KCNK2: variants seen among roughly 807,000 people sequenced by gnomAD.
KCNK2 encodes the protein potassium two pore domain channel subfamily K member 2.
In KCNK2, 21 loss-of-function variants were observed where a neutral mutation model predicts 40.5. The observed-to-expected ratio is 0.52, with a 90% CI of 0.37 to 0.75. The LOEUF is 0.75. KCNK2 is among the 30% of genes least tolerant of loss of function. The pLI, the probability that KCNK2 is intolerant of heterozygous loss-of-function variation, is 0.00. For synonymous variants in KCNK2, 191 were observed against 202.2 expected (o/e 0.94, Z 0.47); for missense variants, 399 against 531.6 (o/e 0.75, Z 2.45).
chr1:215,079,880 A>C (rs1234271614), upstream of KCNK2, among the ~76,000 whole-genome samples: 1 of 152,176 alleles, frequency 6.6e-6, no homozygotes, highest in East Asian at 1.9e-4. Context: ...TGATTCTTTC[A>C]AATTATTTGT....
Position 215,230,532 on chromosome 1 carries a change from TGTATATATATACAC to T in KCNK2, c.964-4295_964-4282del, listed in dbSNP as rs200295153. 8.4e-3 allele frequency among the ~76,000 whole-genome samples: 311 copies of T among 36,952 alleles called. 1 individual carries two copies. The highest frequency in any genetic ancestry group is 0.012 in the Non-Finnish European group (187 of 15,006). The allele number at this position is 36,952 out of a possible 152,430, so 24.2% of individuals were successfully genotyped here. ...GTATATATATATATATATATATATA[TGTATATATATACAC>T]ACACATAACAGCCATATATATATAT... is the stretch of plus-strand genomic sequence containing the variant. On this transcript the variant is annotated intron_variant, in intron 6 of 6. Transcript: ENST00000444842.
At chr1:215,012,797 T>G (rs1371042245) in intron 1 of KCNK2, among the ~76,000 whole-genome samples, 1 of 152,040 alleles carries the variant, frequency 6.6e-6, no homozygotes, top group African/African-American at 2.4e-5. Flanking sequence ...TTTATTAGAC[T>G]TGTGATTATC....
chr1:215,154,166 G>A (rs953120576), intron 3 of KCNK2, among the ~76,000 whole-genome samples: 25 of 152,096 alleles, frequency 1.6e-4, no homozygotes, highest in African/African-American at 5.6e-4. Context: ...TTGAGGAATC[G>A]CCACACTGTC....
intron 6 of KCNK2, among the ~76,000 whole-genome samples, chr1:215,233,471 CACACGT>C (rs1261206773): frequency 6.6e-6 from 1 of 151,834 alleles, no homozygotes; most frequent in Non-Finnish European, 1.5e-5. Context: ...CACACACACA[CACACGT>C]ACACACACAC....
chr1:215,179,192 T>C (rs1322101029), intron 5 of KCNK2, among the ~76,000 whole-genome samples: 1 of 152,090 alleles, frequency 6.6e-6, no homozygotes, highest in Non-Finnish European at 1.5e-5. Context: ...GTGGGACCAG[T>C]TGTAATGTTA....
chr1:215,114,994 GGT>G (rs59948899), intron 2 of KCNK2, among the ~76,000 whole-genome samples: 13,871 of 147,144 alleles, frequency 0.094, 639 homozygotes, highest in African/African-American at 0.1. Flanking sequence ...TACTTTGTCA[GGT>G]GTGTGTGTGT....
intron 5 of KCNK2, among the ~76,000 whole-genome samples, chr1:215,177,736 A>T (rs1341820176): frequency 1.0e-4 from 6 of 58,310 alleles, no homozygotes; most frequent in South Asian, 3.7e-4. Context: ...ATATATATAT[A>T]TATATTTTTT....
At chr1:215,045,123 G>T (rs1657722946) in intron 1 of KCNK2, among the ~76,000 whole-genome samples, 1 of 152,018 alleles carries the variant, frequency 6.6e-6, no homozygotes. Context: ...GGCTGAGCTT[G>T]CAGTGAGCCG....
intron 1 of KCNK2, among the ~76,000 whole-genome samples, chr1:215,010,868 TTGTGTGTG>T (rs1310617219): frequency 5.9e-5 from 8 of 135,732 alleles, no homozygotes; most frequent in South Asian, 4.8e-4. Flanking sequence ...TTTTTTTTTT[TTGTGTGTG>T]TGTGTGTGTG....
At chr1:215,007,838 A>T (rs150421235) in intron 1 of KCNK2, among the ~76,000 whole-genome samples, 1,536 of 152,300 alleles carry the variant, frequency 0.01, 24 homozygotes, top group South Asian at 0.074. Context: ...AAATGTATAT[A>T]ACATCATATA....
intron 1 of KCNK2, among the ~76,000 whole-genome samples, chr1:215,020,377 A>G (rs940593409): frequency 2.6e-5 from 4 of 152,210 alleles, no homozygotes; most frequent in African/African-American, 9.7e-5. Context: ...CTCAGAAGCA[A>G]ACTTTGAAAG....
At chr1:215,012,462 T>TTTTTTC (rs564889345) in intron 1 of KCNK2, among the ~76,000 whole-genome samples, 2,237 of 142,782 alleles carry the variant, frequency 0.016, 17 homozygotes, top group Middle Eastern at 0.051. Context: ...TGTTCAAATC[T>TTTTTTC]TTTTTCTTTT....
At chr1:215,063,962 C>T (rs147270114) in intron 1 of KCNK2, among the ~76,000 whole-genome samples, 61 of 152,214 alleles carry the variant, frequency 4.0e-4, no homozygotes, top group African/African-American at 1.4e-3. Flanking sequence ...AAGAGGCATA[C>T]GGAGCATGTC....
At chr1:215,059,729 A>G (rs766080500) in intron 1 of KCNK2, among the ~76,000 whole-genome samples, 1 of 152,190 alleles carries the variant, frequency 6.6e-6, no homozygotes, top group Non-Finnish European at 1.5e-5. Flanking sequence ...AGTAAAAGAC[A>G]AGGCCATGTT....
chr1:215,135,109 C>A (rs1185158609), intron 3 of KCNK2, among the ~76,000 whole-genome samples: 1 of 152,160 alleles, frequency 6.6e-6, no homozygotes, highest in Admixed American at 6.5e-5. Context: ...CAACTAAAAT[C>A]ATGTGCTGTA....
chr1:215,010,343 C>T (rs1029002763), intron 1 of KCNK2, among the ~76,000 whole-genome samples: 4 of 152,136 alleles, frequency 2.6e-5, no homozygotes, highest in Non-Finnish European at 4.4e-5. Context: ...CTTAACATTA[C>T]GCATTCTGTA....
At chr1:215,185,976 T>C (rs189698389) in intron 5 of KCNK2, among the ~76,000 whole-genome samples, 68 of 152,300 alleles carry the variant, frequency 4.5e-4, no homozygotes, top group African/African-American at 1.6e-3. Context: ...AGGATGCAGA[T>C]TGTAATAGAT....
intron 1 of KCNK2, among the ~76,000 whole-genome samples, chr1:215,028,761 T>C (rs1233677376): frequency 2.6e-5 from 4 of 152,180 alleles, no homozygotes; most frequent in Admixed American, 6.5e-5. Context: ...AAGAAAATTT[T>C]CACCACCTCA....
rs11273303 is a variant in KCNK2, at chr1:215,022,106, C to CCTATCTAT, written c.34+16167_34+16174dup. 5.5e-3 allele frequency among the ~76,000 whole-genome samples: 605 copies of CCTATCTAT among 109,296 alleles called. 4 individuals carry two copies. Among genetic ancestry groups the CCTATCTAT allele is most frequent in the Admixed American group, 0.012 (143 of 11,768 alleles). The allele number at this position is 109,296 out of a possible 152,430, so 71.7% of individuals were successfully genotyped here. A position where few individuals can be genotyped will look rare whatever the true frequency, so the allele number is the denominator to read the frequency against. The stretch of plus-strand genomic sequence containing the variant: ...AGCCAATTGCCACAATAAATCCCCT[C>CCTATCTAT]CTATCTATCTATCTATCTATCTAAT... On this transcript the variant is annotated intron_variant, in intron 1 of 6. Coordinates refer to the KCNK2 transcript ENST00000391895.
Sources: allele counts gnomAD v4.1 joint callset (sites outside exome capture counted in the v4.1 genomes callset), GRCh38; gene constraint gnomAD v4.1.1; transcripts MANE v1.5; gene names NCBI Gene and HGNC (gene_info 2026-07-23, HGNC 2026-07-21).